The following FARS2 variants were observed in gnomAD, a reference collection of about 807,000 sequenced individuals.
The protein encoded by FARS2 is phenylalanine--tRNA ligase, mitochondrial.
In FARS2, 40 loss-of-function variants were observed where a neutral mutation model predicts 46.4. The ratio of observed to expected loss-of-function variants is 0.86; its 90% CI spans 0.67 to 1.12. FARS2 has a LOEUF of 1.12. Ranked by LOEUF, FARS2 falls within the 50% of genes most tolerant of loss-of-function variation. The probability of loss-of-function intolerance (pLI) is 0.00; values close to 1 mark genes in which losing one functional copy is unlikely to be tolerated. For missense variants in FARS2, 513 were observed against 567.9 expected, an observed-to-expected ratio of 0.90 and a Z score of 0.98; for synonymous variants, 234 against 214.9, an observed-to-expected ratio of 1.09 and a Z score of -0.78.
chr6:5,277,880 A>T (rs771168377), intron 1 of FARS2, among the ~76,000 whole-genome samples: 1 of 152,212 alleles, frequency 6.6e-6, no homozygotes, highest in Non-Finnish European at 1.5e-5. Flanking sequence ...TTTAAGGAAT[A>T]TCACTGTACC....
chr6:5,414,599 T>G (rs1762112961), intron 3 of FARS2, among the ~76,000 whole-genome samples: 1 of 152,228 alleles, frequency 6.6e-6, no homozygotes, highest in African/African-American at 2.4e-5. Context: ...TTCATTCCTT[T>G]TTGTTACTAA....
intron 4 of FARS2, among the ~76,000 whole-genome samples, chr6:5,439,118 AT>A (rs1214614470): frequency 6.6e-6 from 1 of 151,956 alleles, no homozygotes; most frequent in African/African-American, 2.4e-5. Flanking sequence ...TGTTGTGCTT[AT>A]TTTTGTCCAT....
intron 6 of FARS2, among the ~76,000 whole-genome samples, chr6:5,697,257 T>G (rs1187394050): frequency 6.6e-6 from 1 of 152,212 alleles, no homozygotes; most frequent in Non-Finnish European, 1.5e-5. Context: ...GATGATTGAT[T>G]AGAATGACTT....
chr6:5,297,305 A>T (rs1032092104), intron 1 of FARS2, among the ~76,000 whole-genome samples: 1 of 152,204 alleles, frequency 6.6e-6, no homozygotes, highest in East Asian at 1.9e-4. Flanking sequence ...AGTTCATGTT[A>T]TGAAGGATTC....
intron 4 of FARS2, among the ~76,000 whole-genome samples, chr6:5,494,115 CT>C (rs61688373): frequency 0.11 from 15,057 of 142,696 alleles, 945 homozygotes; most frequent in Middle Eastern, 0.17. Context: ...CTGTTTCCTC[CT>C]TTTTTTTTTC....
intron 5 of FARS2, among the ~76,000 whole-genome samples, chr6:5,578,514 A>G (rs562496598): frequency 1.2e-4 from 19 of 152,256 alleles, no homozygotes; most frequent in African/African-American, 4.1e-4. Context: ...ATAATAAGAA[A>G]AAAGAAAACA....
intron 6 of FARS2, among the ~76,000 whole-genome samples, chr6:5,728,976 C>T (rs1243971121): frequency 6.6e-6 from 1 of 152,162 alleles, no homozygotes; most frequent in Non-Finnish European, 1.5e-5. Flanking sequence ...CTGGTGTGCT[C>T]TTGACAGTGG....
In FARS2 at chr6:5,275,392, C is replaced by G. The variant is rs180858981; in HGVS notation, c.-22+13732C>G. Among the ~76,000 whole-genome samples, 4 of 152,210 alleles carry G rather than the reference C, an allele frequency of 2.6e-5. No homozygotes were observed. The East Asian group carries it at 7.7e-4, about 29-fold the overall frequency. ...TATGACATCTTGTTCTTTACCTTAA[C>G]TTTTTATAATTTAAAATTGTACAAA... is the stretch of plus-strand genomic sequence containing the variant. On this transcript the variant is annotated intron_variant, in intron 1 of 6. Coordinates refer to ENST00000274680, the MANE Select transcript of FARS2 (RefSeq NM_006567.5).
chr6:5,475,148 G>T (rs987417823), intron 4 of FARS2, among the ~76,000 whole-genome samples: 1 of 152,208 alleles, frequency 6.6e-6, no homozygotes, highest in Non-Finnish European at 1.5e-5. Flanking sequence ...TGACTTCTCC[G>T]TGGGTACTGG....
intron 6 of FARS2, among the ~76,000 whole-genome samples, chr6:5,694,480 T>C (rs12215495): frequency 0.081 from 12,369 of 152,286 alleles, 701 homozygotes; most frequent in South Asian, 0.19. Context: ...GACTCTGTTC[T>C]CTGTTAAAGT....
chr6:5,649,261 T>C (rs1777226761), intron 6 of FARS2, among the ~76,000 whole-genome samples: 1 of 152,216 alleles, frequency 6.6e-6, no homozygotes, highest in Admixed American at 6.5e-5. Flanking sequence ...GAACATTTCT[T>C]TGGGTGCTGT....
intron 6 of FARS2, among the ~76,000 whole-genome samples, chr6:5,742,659 C>T (rs367986115): frequency 6.6e-4 from 101 of 151,976 alleles, no homozygotes; most frequent in African/African-American, 2.4e-3. Context: ...CACCACCCCG[C>T]CACTTCCACT....
intron 2 of FARS2, among the ~76,000 whole-genome samples, chr6:5,389,923 A>G (rs1455372592): frequency 6.6e-6 from 1 of 152,096 alleles, no homozygotes; most frequent in Non-Finnish European, 1.5e-5. Context: ...GGAATGCAGT[A>G]GCATGATCTC....
At chr6:5,586,358 T>C in intron 5 of FARS2, among the ~76,000 whole-genome samples, 1 of 152,154 alleles carries the variant, frequency 6.6e-6, no homozygotes, top group East Asian at 1.9e-4. Flanking sequence ...GCTTGTCATA[T>C]ATGGTTTTTA....
intron 6 of FARS2, among the ~76,000 whole-genome samples, chr6:5,642,177 AAC>A (rs1561771916): frequency 6.6e-6 from 1 of 152,210 alleles, no homozygotes; most frequent in Non-Finnish European, 1.5e-5. Flanking sequence ...TGTGTATTAT[AAC>A]ACATGCATAT....
intron 6 of FARS2, among the ~76,000 whole-genome samples, chr6:5,651,696 T>C (rs1777373309): frequency 6.6e-6 from 1 of 152,214 alleles, no homozygotes; most frequent in African/African-American, 2.4e-5. Context: ...GAGTGTTCAT[T>C]GTGTGTCAGA....
At chr6:5,365,317 CTTTTTTTTTTTTTTTTT>C (rs61097603) in intron 1 of FARS2, among the ~76,000 whole-genome samples, 2 of 42,492 alleles carry the variant, frequency 4.7e-5, no homozygotes, top group East Asian at 8.3e-4. Context: ...AGTATACTTT[CTTTTTTTTTTTTTTTTT>C]TTTTTTTTTT....
intron 4 of FARS2, among the ~76,000 whole-genome samples, chr6:5,540,722 A>G (rs1241145848): frequency 1.3e-5 from 2 of 152,218 alleles, no homozygotes; most frequent in African/African-American, 4.8e-5. Flanking sequence ...AAACTTGTAA[A>G]TGTGATAGTT....
intron 6 of FARS2, among the ~76,000 whole-genome samples, chr6:5,745,247 G>T (rs1303855088): frequency 6.6e-6 from 1 of 152,246 alleles, no homozygotes; most frequent in Non-Finnish European, 1.5e-5. Flanking sequence ...GTTAGAGAGT[G>T]GTTTCCAAGG....
Sources: gnomAD v4.1 joint callset for allele counts (sites outside exome capture counted in the v4.1 genomes callset) on GRCh38, gnomAD v4.1.1 for gene constraint, MANE v1.5 for transcripts, NCBI Gene and HGNC (gene_info 2026-07-23, HGNC 2026-07-21) for gene names.